The following HDAC9 variants were observed in gnomAD, a reference collection of about 807,000 sequenced individuals.
HDAC9 encodes MEF-2 interacting transcription repressor (MITR) protein.
In HDAC9, 41 loss-of-function variants were observed where a neutral mutation model predicts 139.4. The observed-to-expected ratio is 0.29, with a 90% CI of 0.23 to 0.38. The LOEUF (loss-of-function observed/expected upper bound fraction) is 0.38. Among genes scored for constraint, HDAC9 ranks in the 10% least tolerant of loss-of-function variants. HDAC9 has a pLI of 1.00. For synonymous variants in HDAC9, 517 were observed against 476.2 expected (o/e 1.09, Z -1.12); for missense variants, 1,147 against 1,297.0 (o/e 0.88, Z 1.78).
chr7:18,887,736 A>T (rs542237309), intron 22 of HDAC9, among the ~76,000 whole-genome samples: 24 of 152,220 alleles, frequency 1.6e-4, no homozygotes, highest in Non-Finnish European at 2.9e-4. Context: ...TGTTTAACAT[A>T]ATTATTTTAT....
Position 18,479,220 on chromosome 7 carries a change from T to C in HDAC9, c.-41-17042T>C, listed in dbSNP as rs565852933. Among the ~76,000 whole-genome samples, 289 of 152,310 alleles carry C rather than the reference T, an allele frequency of 1.9e-3. 1 individual carries two copies. Among genetic ancestry groups the C allele is most frequent in the African/African-American group, 5.7e-3 (239 of 41,584 alleles). Reference sequence around the variant, plus strand: ...TTTAAATGTATTCTTTGACATTTTTTCTTGTAAAACTTTTCAAGTTTGCTT... The same window carrying C: ...TTTAAATGTATTCTTTGACATTTTTCCTTGTAAAACTTTTCAAGTTTGCTT... On this transcript the variant is annotated intron_variant, in intron 1 of 3. Transcript: ENST00000413509.
rs1024929435 is a variant in HDAC9 at position 18,683,762 on chromosome 7, A to G, written c.1731+17286A>G. On this transcript the variant is annotated intron_variant, in intron 12 of 25. Coordinates refer to ENST00000686413, the MANE Select transcript of HDAC9 (RefSeq NM_178425.4). ...CCAATCTTTACATTGTTTTATTTCAACTCTGCTTGTTAACAAACTGGAGGC... is the reference window on the plus strand; with the variant it reads ...CCAATCTTTACATTGTTTTATTTCAGCTCTGCTTGTTAACAAACTGGAGGC... 2.6e-5 allele frequency among the ~76,000 whole-genome samples: 4 copies of G among 151,816 alleles called. No homozygotes were observed. The South Asian group carries it at 6.2e-4, about 24-fold the overall frequency.
intron 2 of HDAC9, among the ~76,000 whole-genome samples, chr7:18,264,491 T>G (rs1335249146): frequency 1.3e-5 from 2 of 152,202 alleles, no homozygotes; most frequent in African/African-American, 2.4e-5. Context: ...TAAAGAATTT[T>G]TAGTCACATT....
At chr7:18,963,198 G>C (rs2129329871) in intron 24 of HDAC9, among the ~76,000 whole-genome samples, 1 of 152,248 alleles carries the variant, frequency 6.6e-6, no homozygotes, top group East Asian at 1.9e-4. Flanking sequence ...GGAGCAGTAA[G>C]CAACACAAAA....
intron 17 of HDAC9, among the ~76,000 whole-genome samples, chr7:18,799,862 G>A (rs753567855): frequency 3.3e-5 from 5 of 152,058 alleles, no homozygotes; most frequent in African/African-American, 7.2e-5. Context: ...AAGAAATTAC[G>A]GCTGAATATT....
At chr7:18,194,660 C>T (rs1217267211) in intron 2 of HDAC9, among the ~76,000 whole-genome samples, 1 of 152,120 alleles carries the variant, frequency 6.6e-6, no homozygotes, top group African/African-American at 2.4e-5. Flanking sequence ...TCCAGTGCTG[C>T]CATGATGATT....
intron 8 of HDAC9, among the ~76,000 whole-genome samples, chr7:18,635,269 G>T (rs1783543338): frequency 6.6e-6 from 1 of 151,854 alleles, no homozygotes; most frequent in Non-Finnish European, 1.5e-5. Context: ...CATTTGAACT[G>T]AAAAGTGATG....
intron 2 of HDAC9, among the ~76,000 whole-genome samples, chr7:18,184,909 A>C (rs531466191): frequency 6.6e-6 from 1 of 152,322 alleles, no homozygotes; most frequent in Non-Finnish European, 1.5e-5. Flanking sequence ...AAAATACTGC[A>C]GAGCTTGCCT....
intron 2 of HDAC9, among the ~76,000 whole-genome samples, chr7:18,228,602 A>G (rs1248663889): frequency 6.6e-6 from 1 of 152,158 alleles, no homozygotes; most frequent in Non-Finnish European, 1.5e-5. Flanking sequence ...GTCTGAAAGG[A>G]ACTGCAGTTG....
At chr7:18,805,828 A>G (rs967766890) in intron 17 of HDAC9, among the ~76,000 whole-genome samples, 14 of 152,156 alleles carry the variant, frequency 9.2e-5, no homozygotes, top group African/African-American at 3.4e-4. Flanking sequence ...AGTCTTTATG[A>G]TTTTTCCTTC....
intron 1 of HDAC9, among the ~76,000 whole-genome samples, chr7:18,416,164 C>T (rs968051151): frequency 2.0e-5 from 3 of 151,864 alleles, no homozygotes; most frequent in South Asian, 2.1e-4. Flanking sequence ...GGCATGGTGG[C>T]GCATGCCTGT....
At chr7:18,439,034 T>C (rs1438483820) in intron 1 of HDAC9, among the ~76,000 whole-genome samples, 1 of 152,208 alleles carries the variant, frequency 6.6e-6, no homozygotes, top group East Asian at 1.9e-4. Context: ...TACTTCCATA[T>C]AATGTATATT....
intron 1 of HDAC9, among the ~76,000 whole-genome samples, chr7:18,376,368 A>G (rs1784995429): frequency 6.6e-6 from 1 of 152,348 alleles, no homozygotes; most frequent in Middle Eastern, 3.4e-3. Flanking sequence ...TTAAAATGTG[A>G]CTAAACTTGC....
chr7:18,844,973 T>C (rs1055424486), intron 21 of HDAC9, among the ~76,000 whole-genome samples: 1 of 152,102 alleles, frequency 6.6e-6, no homozygotes, highest in Admixed American at 6.6e-5. Context: ...TTCCGGTAAA[T>C]ATGACACCGT....
At chr7:18,684,247 C>G (rs1782095616) in intron 12 of HDAC9, among the ~76,000 whole-genome samples, 1 of 147,468 alleles carries the variant, frequency 6.8e-6, no homozygotes, top group African/African-American at 2.6e-5. Flanking sequence ...GAGCCAGACC[C>G]TATCTCAAAA....
intron 15 of HDAC9, among the ~76,000 whole-genome samples, chr7:18,766,632 A>T (rs1382831107): frequency 6.6e-6 from 1 of 152,172 alleles, no homozygotes; most frequent in Non-Finnish European, 1.5e-5. Context: ...AATTAAGAAT[A>T]AGTCTGTACA....
In HDAC9 at chr7:18,744,503, T is replaced by G. The variant is rs1231844997; in HGVS notation, c.1910-4502T>G. On this transcript the variant is annotated intron_variant, in intron 13 of 25. Coordinates refer to ENST00000686413, the MANE Select transcript of HDAC9 (RefSeq NM_178425.4). ...CAAACACCTTGGGAGGTGTGAAACC[T>G]CAGGTAGTTCCCAGAAATGCAATAT... Among the ~76,000 whole-genome samples the G allele has an allele frequency of 5.9e-5, 9 of 152,174 alleles. No individual in the cohort carries two copies. In the East Asian group the frequency reaches 1.5e-3, roughly 26 times the overall value.
intron 13 of HDAC9, among the ~76,000 whole-genome samples, chr7:18,748,789 G>T (rs530279973): frequency 6.6e-6 from 1 of 152,260 alleles, no homozygotes; most frequent in African/African-American, 2.4e-5. Context: ...TCTGAGTACT[G>T]GTTAATGCGT....
rs540913736 is a variant in HDAC9, at chr7:18,320,947, A to G, written c.-42+30432A>G. Among the ~76,000 whole-genome samples, 5 of 152,334 alleles carry G rather than the reference A, an allele frequency of 3.3e-5. No individual in the cohort carries two copies. In the East Asian group the frequency reaches 9.7e-4, roughly 29 times the overall value. ...TATCTAAGTCATGGTTTAGAGGAAGAGAGAAGAGAGAGATAATTAAGGAAA... is the reference window on the plus strand; with the variant it reads ...TATCTAAGTCATGGTTTAGAGGAAGGGAGAAGAGAGAGATAATTAAGGAAA... On this transcript the variant is annotated intron_variant, in intron 1 of 3. Coordinates refer to the HDAC9 transcript ENST00000413509.
Sources: gnomAD v4.1 joint callset for allele counts (sites outside exome capture counted in the v4.1 genomes callset) on GRCh38, gnomAD v4.1.1 for gene constraint, MANE v1.5 for transcripts, NCBI Gene and HGNC (gene_info 2026-07-23, HGNC 2026-07-21) for gene names.